Variants in SLC26A7 observed in about 807,000 individuals in gnomAD.
The protein encoded by SLC26A7 is anion exchange transporter.
In SLC26A7, 59 loss-of-function variants were observed where a neutral mutation model predicts 82.5. The observed-to-expected ratio is 0.72, with a 90% CI of 0.58 to 0.89. The LOEUF (loss-of-function observed/expected upper bound fraction) is 0.89. Among genes scored for constraint, SLC26A7 ranks in the 40% least tolerant of loss-of-function variants. SLC26A7 has a pLI of 0.00. For missense variants in SLC26A7, 820 were observed against 793.0 expected (o/e 1.03, Z -0.41); for synonymous variants, 271 against 274.3 (o/e 0.99, Z 0.12).
Position 91,239,401 on chromosome 8 carries a change from T to A in SLC26A7, c.-33-10218T>A, listed in dbSNP as rs1252719324. The stretch of plus-strand genomic sequence containing the variant: ...AAAAAAAAAAAAAAAAAAAAATATA[T>A]ATATATATATGTATATGTATATATA... On this transcript the variant is annotated intron_variant, in intron 2 of 5. Transcript: ENST00000522862. Among the ~76,000 whole-genome samples the A allele has an allele frequency of 8.3e-3, 820 of 98,454 alleles. 16 individuals are homozygous for A. Among genetic ancestry groups the A allele is most frequent in the African/African-American group, 0.026 (713 of 27,002 alleles). The allele number at this position is 98,454 out of a possible 152,430, so 64.6% of individuals were successfully genotyped here.
chr8:91,236,665 G>C (rs963293747), intron 2 of SLC26A7, among the ~76,000 whole-genome samples: 4 of 151,850 alleles, frequency 2.6e-5, no homozygotes, highest in East Asian at 3.9e-4. Flanking sequence ...GTTAGTGCAA[G>C]AAGAGCCATT....
intron 2 of SLC26A7, among the ~76,000 whole-genome samples, chr8:91,221,201 C>T (rs1810155501): frequency 1.3e-5 from 2 of 152,164 alleles, no homozygotes; most frequent in African/African-American, 2.4e-5. Flanking sequence ...CCTTTGCCCA[C>T]TTTTTGATGG....
rs537055974 is a variant in SLC26A7, at chr8:91,394,191, A to G, written c.1935+152A>G. Reference sequence around the variant, plus strand: ...CCACCTCAGACTTTCTATTACAGGTAAAAGAATGTTTCCATTCTTTTTTTA... The same window carrying G: ...CCACCTCAGACTTTCTATTACAGGTGAAAGAATGTTTCCATTCTTTTTTTA... On this transcript the variant is annotated intron_variant, in intron 18 of 18. Coordinates refer to ENST00000276609, the MANE Select transcript of SLC26A7 (RefSeq NM_052832.4). 146 of 1,611,938 alleles carry G rather than the reference A, an allele frequency of 9.1e-5. No homozygotes were observed. The South Asian group carries it at 1.6e-3, about 17-fold the overall frequency.
chr8:91,263,669 C>A (rs1028980268), intron 2 of SLC26A7, among the ~76,000 whole-genome samples: 1 of 152,036 alleles, frequency 6.6e-6, no homozygotes, highest in South Asian at 2.1e-4. Flanking sequence ...ATCACCTTTG[C>A]AAGGTTCCTC....
At chr8:91,357,110 A>G (rs570617808) in intron 11 of SLC26A7, 1 of 152,356 alleles carries the variant, frequency 6.6e-6, no homozygotes, top group South Asian at 2.1e-4. Context: ...TCTGGTATCA[A>G]ATAAATCTCT....
intron 5 of SLC26A7, among the ~76,000 whole-genome samples, chr8:91,324,628 A>G (rs1462598707): frequency 1.3e-5 from 2 of 152,168 alleles, no homozygotes; most frequent in Non-Finnish European, 2.9e-5. Flanking sequence ...GAACAATAAC[A>G]TTTTTGTTCC....
intron 15 of SLC26A7, among the ~76,000 whole-genome samples, chr8:91,382,004 A>G (rs1814683612): frequency 6.6e-6 from 1 of 152,152 alleles, no homozygotes; most frequent in African/African-American, 2.4e-5. Context: ...TATAGATAGA[A>G]AATACCCAGT....
chr8:91,280,143 G>GT (rs1221439439), intron 2 of SLC26A7, among the ~76,000 whole-genome samples: 6 of 152,158 alleles, frequency 3.9e-5, no homozygotes, highest in East Asian at 1.9e-4. Context: ...TGTTGCCTAT[G>GT]TTTTTTGGCA....
At chr8:91,294,466 T>G (rs1196504290) in intron 3 of SLC26A7, among the ~76,000 whole-genome samples, 3 of 152,150 alleles carry the variant, frequency 2.0e-5, no homozygotes, top group African/African-American at 4.8e-5. Flanking sequence ...GAGACCTGTT[T>G]CTGTTTGACT....
At chr8:91,299,233 A>G (rs1812096206) in intron 4 of SLC26A7, among the ~76,000 whole-genome samples, 1 of 152,070 alleles carries the variant, frequency 6.6e-6, no homozygotes, top group African/African-American at 2.4e-5. Context: ...ATAGATGTTG[A>G]AAGTATTTCC....
At chr8:91,327,306 G>A (rs543029941) in intron 5 of SLC26A7, among the ~76,000 whole-genome samples, 1 of 152,228 alleles carries the variant, frequency 6.6e-6, no homozygotes, top group Non-Finnish European at 1.5e-5. Flanking sequence ...TTTCAGGGCC[G>A]TGACTACCAC....
chr8:91,318,416 A>G, intron 5 of SLC26A7, 36 bp downstream of exon 5: 4 of 1,523,826 alleles, frequency 2.6e-6, no homozygotes, highest in Non-Finnish European at 3.6e-6. Flanking sequence ...ATATCTTTTG[A>G]ATGTGCAGGT....
At chr8:91,391,159 A>G (rs555584162) in intron 16 of SLC26A7, among the ~76,000 whole-genome samples, 1 of 152,314 alleles carries the variant, frequency 6.6e-6, no homozygotes, top group African/African-American at 2.4e-5. Context: ...AACTCAGGAT[A>G]GTACAAAGGT....
intron 16 of SLC26A7, among the ~76,000 whole-genome samples, chr8:91,393,114 C>T (rs975458195): frequency 9.9e-5 from 15 of 152,086 alleles, no homozygotes; most frequent in African/African-American, 2.7e-4. Flanking sequence ...TGTTATATAA[C>T]GAAATCCATC....
rs868031280 is a variant in SLC26A7 at position 91,340,258 on chromosome 8, C to T, written c.879-146C>T. 361 of 965,646 alleles carry T rather than the reference C, an allele frequency of 3.7e-4. 2 individuals are homozygous for T. The highest frequency in any genetic ancestry group is 2.9e-3 in the Middle Eastern group (13 of 4,474). 59.8% of individuals were successfully genotyped at this position (965,646 alleles called of 1,614,324 possible). A position where few individuals can be genotyped will look rare whatever the true frequency, so the allele number is the denominator to read the frequency against. On this transcript the variant is annotated intron_variant, in intron 7 of 18. Coordinates refer to ENST00000276609, the MANE Select transcript of SLC26A7 (RefSeq NM_052832.4). ...AAATAATGTTGAAAACGAAGGGCTT[C>T]TAAGGGCAAGGCTGCTTGGTTTTCT... is the stretch of plus-strand genomic sequence containing the variant.
At chr8:91,389,234 T>C (rs534807497) in intron 15 of SLC26A7, 104 bp from the exon 16 acceptor site, 1 of 728,848 alleles carries the variant, frequency 1.4e-6, no homozygotes, top group Admixed American at 2.3e-5. Context: ...TTAGAATTAC[T>C]GTTGTTAAAC....
At chr8:91,224,645 G>A (rs1810209230) in intron 2 of SLC26A7, among the ~76,000 whole-genome samples, 1 of 152,214 alleles carries the variant, frequency 6.6e-6, no homozygotes. Flanking sequence ...GACAAACCCT[G>A]TTGGAAGGTC....
At chr8:91,386,803 A>G (rs1338593679) in intron 15 of SLC26A7, among the ~76,000 whole-genome samples, 1 of 152,188 alleles carries the variant, frequency 6.6e-6, no homozygotes, top group Non-Finnish European at 1.5e-5. Flanking sequence ...AGATATATAC[A>G]CAACTGACTT....
rs189202412 is a variant in SLC26A7, at chr8:91,239,557, A to T, written c.-33-10062A>T. ...TAGCTCTCATAAGAAATTGCCTTAG[A>T]TTAAAAGTTCCTAGATCAGTAATGA... On this transcript the variant is annotated intron_variant, in intron 2 of 5. Transcript: ENST00000522862. Among the ~76,000 whole-genome samples, 7 of 152,008 alleles carry T rather than the reference A, an allele frequency of 4.6e-5. No homozygotes were observed. The East Asian group carries it at 1.4e-3, about 29-fold the overall frequency.
Sources: gnomAD v4.1 joint callset for allele counts (sites outside exome capture counted in the v4.1 genomes callset) on GRCh38, gnomAD v4.1.1 for gene constraint, MANE v1.5 for transcripts, NCBI Gene and HGNC (gene_info 2026-07-23, HGNC 2026-07-21) for gene names.